The following OR3A3 variants were observed in gnomAD, a reference collection of about 807,000 sequenced individuals.
OR3A3 encodes the protein olfactory receptor 3A3.
For synonymous variants in OR3A3, 103 were observed against 163.9 expected (o/e 0.63, Z 2.84); for missense variants, 275 against 391.4 (o/e 0.70, Z 2.51).
exon 3 of OR3A3, chr17:3,421,636 C>A: frequency 2.3e-6 from 3 of 1,312,212 alleles, no homozygotes; most frequent in Non-Finnish European, 3.1e-6. Flanking sequence ...CTCCTGATGC[C>A]TGAGGAGTGG....
exon 3 of OR3A3, chr17:3,422,032 C>T (rs1374273680): frequency 6.5e-6 from 1 of 152,708 alleles, no homozygotes; most frequent in Non-Finnish European, 1.5e-5. Flanking sequence ...AGGGCCACTT[C>T]ATCCCAGCCT....
At chr17:3,417,423 T>G (rs1204676972) in intron 2 of OR3A3, among the ~76,000 whole-genome samples, 2 of 152,180 alleles carry the variant, frequency 1.3e-5, no homozygotes, top group Non-Finnish European at 2.9e-5. Flanking sequence ...ATTTCTACAG[T>G]GTCATTGTTC....
chr17:3,420,137 G>A (rs1004645878), intron 2 of OR3A3, among the ~76,000 whole-genome samples: 10 of 151,676 alleles, frequency 6.6e-5, no homozygotes, highest in Admixed American at 3.3e-4. Context: ...ATTTTATTGC[G>A]TATATTTAAG....
chr17:3,421,019 G>A (rs373407547), exon 3 of OR3A3: 2 of 1,613,958 alleles, frequency 1.2e-6, no homozygotes, highest in African/African-American at 2.7e-5. Context: ...ACAGTCCAGA[G>A]GATGTTGGTG....
At chr17:3,418,156 C>G (rs1210303798) in intron 2 of OR3A3, among the ~76,000 whole-genome samples, 2 of 152,124 alleles carry the variant, frequency 1.3e-5, no homozygotes, top group African/African-American at 4.8e-5. Context: ...AGCTCTATGC[C>G]ACAATTTTTC....
chr17:3,421,403 AG>A lies in OR3A3; in HGVS notation c.820del (p.Asp274IlefsTer8). The stretch of plus-strand genomic sequence containing the variant: ...CTGGGTTCAGTGGAATCTTCAGACA[AG>A]GATAAGGGGGTTGGGGTTTTCATGA... On this transcript the variant is annotated frameshift_variant, in exon 3 of 3. Transcript: ENST00000641141. LOFTEE classifies it high-confidence loss of function. 2 of 1,613,932 alleles carry A rather than the reference AG, an allele frequency of 1.2e-6. No homozygotes were observed. Among genetic ancestry groups the A allele is most frequent in the South Asian group, 2.2e-5 (2 of 91,070 alleles).
chr17:3,421,686 A>C (rs948628518), exon 3 of OR3A3: 37 of 669,878 alleles, frequency 5.5e-5, no homozygotes, highest in Non-Finnish European at 7.6e-5. Context: ...TATATAATTC[A>C]TTCATTTATT....
chr17:3,417,175 T>A (rs1021034188), intron 2 of OR3A3, among the ~76,000 whole-genome samples: 1 of 152,202 alleles, frequency 6.6e-6, no homozygotes, highest in Admixed American at 6.5e-5. Context: ...GTTCTCAATT[T>A]GTATTCATTC....
intron 2 of OR3A3, among the ~76,000 whole-genome samples, chr17:3,417,438 A>G (rs935229833): frequency 1.3e-5 from 2 of 152,122 alleles, no homozygotes; most frequent in Non-Finnish European, 2.9e-5. Flanking sequence ...TTGTTCAAAC[A>G]TTTATATTTT....
intron 2 of OR3A3, among the ~76,000 whole-genome samples, chr17:3,413,673 C>T (rs1478483977): frequency 6.6e-6 from 1 of 151,748 alleles, no homozygotes; most frequent in Non-Finnish European, 1.5e-5. Flanking sequence ...ATTAGCCGGG[C>T]GTGGTGGCAG....
At chr17:3,412,228 T>C (rs2072366532) in intron 2 of OR3A3, 57 bp downstream of exon 2, 1 of 150,700 alleles carries the variant, frequency 6.6e-6, no homozygotes, top group African/African-American at 2.5e-5. Context: ...GGGGCTTCTG[T>C]TGCCATCAGC....
chr17:3,416,150 C>G (rs1414629297), intron 2 of OR3A3, among the ~76,000 whole-genome samples: 2 of 152,038 alleles, frequency 1.3e-5, no homozygotes, highest in African/African-American at 4.8e-5. Flanking sequence ...AAGTACCTAA[C>G]TATTCCTATT....
intron 2 of OR3A3, among the ~76,000 whole-genome samples, chr17:3,419,080 GA>G (rs1372584989): frequency 1.8e-4 from 28 of 152,268 alleles, no homozygotes; most frequent in Non-Finnish European, 7.4e-5. Context: ...AATGTACACA[GA>G]AAAAATAATT....
chr17:3,423,711 T>G (rs775157211), exon 3 of OR3A3: 1 of 152,134 alleles, frequency 6.6e-6, no homozygotes. Context: ...GGCAGGTAGA[T>G]CACCTGAGGT....
intron 1 of OR3A3, 146 bp from the exon 2 acceptor site, chr17:3,411,832 C>T (rs1463770170): frequency 3.3e-5 from 5 of 152,324 alleles, no homozygotes; most frequent in African/African-American, 1.2e-4. Flanking sequence ...GCCGTAACAA[C>T]CTGCCCACAA....
At chr17:3,421,493 C>T in exon 3 of OR3A3, 1 of 1,549,302 alleles carries the variant, frequency 6.5e-7, no homozygotes, top group Non-Finnish European at 8.7e-7. Context: ...GTTCAGGGCG[C>T]TCTGTGTCAG....
exon 3 of OR3A3, chr17:3,421,414 G>C: frequency 1.2e-6 from 2 of 1,613,220 alleles, no homozygotes; most frequent in African/African-American, 1.3e-5. Context: ...GGATAAGGGG[G>C]TTGGGGTTTT....
At chr17:3,414,111 G>A (rs533064026) in intron 2 of OR3A3, among the ~76,000 whole-genome samples, 26 of 152,142 alleles carry the variant, frequency 1.7e-4, no homozygotes, top group African/African-American at 6.3e-4. Context: ...AGACGGAGTC[G>A]CCCAGGCTGG....
At chr17:3,418,905 C>A (rs562423177) in intron 2 of OR3A3, among the ~76,000 whole-genome samples, 1 of 152,262 alleles carries the variant, frequency 6.6e-6, no homozygotes, top group South Asian at 2.1e-4. Flanking sequence ...TACATGCCTT[C>A]TTCATTTGAA....
Sources: allele counts gnomAD v4.1 joint callset (sites outside exome capture counted in the v4.1 genomes callset), GRCh38; gene constraint gnomAD v4.1.1; transcripts MANE v1.5; gene names NCBI Gene and HGNC (gene_info 2026-07-23, HGNC 2026-07-21).